Variants in AFAP1 observed in about 807,000 individuals in gnomAD.
AFAP1 encodes actin filament associated protein 1.
AFAP1 carries 75 observed loss-of-function variants against 93.9 expected under a neutral mutation model. The ratio of observed to expected loss-of-function variants is 0.80; its 90% CI spans 0.66 to 0.97. The LOEUF is 0.97. Among genes scored for constraint, AFAP1 ranks in the 50% least tolerant of loss-of-function variants. The probability of loss-of-function intolerance (pLI) is 0.00; values close to 1 mark genes in which losing one functional copy is unlikely to be tolerated. For synonymous variants in AFAP1, 517 were observed against 430.7 expected (o/e 1.20, Z -2.48); for missense variants, 1,201 against 1,050.8 (o/e 1.14, Z -1.98).
chr4:7,903,611 A>G (rs1719237706), intron 1 of AFAP1, among the ~76,000 whole-genome samples: 2 of 152,232 alleles, frequency 1.3e-5, no homozygotes, highest in African/African-American at 4.8e-5. Flanking sequence ...CCTGGGAGGT[A>G]GAGGTTGCAG....
chr4:7,816,130 AC>A, intron 7 of AFAP1, 31 bp from the exon 8 acceptor site: 1 of 1,579,212 alleles, frequency 6.3e-7, no homozygotes, highest in Non-Finnish European at 8.6e-7. Flanking sequence ...AGTTATTCTT[AC>A]AGTGGTCACT....
intron 1 of AFAP1, among the ~76,000 whole-genome samples, chr4:7,906,791 C>G (rs1172181189): frequency 1.3e-5 from 2 of 152,144 alleles, no homozygotes; most frequent in African/African-American, 2.4e-5. Context: ...GAAGCCAAGG[C>G]GGGTGGATCA....
intron 1 of AFAP1, among the ~76,000 whole-genome samples, chr4:7,928,169 A>G (rs1720873233): frequency 6.6e-6 from 1 of 152,152 alleles, no homozygotes; most frequent in Non-Finnish European, 1.5e-5. Context: ...GGCTAAATGT[A>G]AACTGCCCCA....
At chr4:7,890,315 CTGGATGTCAGTA>C (rs1718390504) in intron 1 of AFAP1, among the ~76,000 whole-genome samples, 1 of 152,202 alleles carries the variant, frequency 6.6e-6, no homozygotes, top group Non-Finnish European at 1.5e-5. Context: ...TGCTGAACAA[CTGGATGTCAGTA>C]TGGGGAAAAC....
At chr4:7,906,593 A>G (rs999737108) in intron 1 of AFAP1, among the ~76,000 whole-genome samples, 2 of 152,202 alleles carry the variant, frequency 1.3e-5, no homozygotes, top group African/African-American at 4.8e-5. Flanking sequence ...AAGTTCTCCA[A>G]GACAGCCAAC....
chr4:7,920,465 G>A (rs527772214), intron 1 of AFAP1, among the ~76,000 whole-genome samples: 22 of 152,254 alleles, frequency 1.4e-4, no homozygotes, highest in African/African-American at 4.6e-4. Flanking sequence ...CTCTGGTGAC[G>A]ACAAAAACTA....
intron 17 of AFAP1, among the ~76,000 whole-genome samples, chr4:7,766,179 G>A (rs1036175133): frequency 1.3e-5 from 2 of 152,130 alleles, no homozygotes; most frequent in African/African-American, 4.8e-5. Flanking sequence ...TCTCAGACTC[G>A]GCGGAAGTGT....
chr4:7,902,623 G>A (rs1719178826), intron 1 of AFAP1, among the ~76,000 whole-genome samples: 1 of 152,172 alleles, frequency 6.6e-6, no homozygotes, highest in South Asian at 2.1e-4. Flanking sequence ...CTCTTTCTAG[G>A]TACAAACCTT....
chr4:7,819,329 T>C (rs1720764265), intron 6 of AFAP1, among the ~76,000 whole-genome samples, 158 bp from the exon 7 acceptor site: 1 of 152,188 alleles, frequency 6.6e-6, no homozygotes, highest in African/African-American at 2.4e-5. Context: ...TACTCATTTG[T>C]TCACTCACCC....
At chr4:7,827,712 A>G (rs919554723) in intron 6 of AFAP1, among the ~76,000 whole-genome samples, 1 of 151,798 alleles carries the variant, frequency 6.6e-6, no homozygotes, top group Admixed American at 6.6e-5. Flanking sequence ...AGAAAAACCC[A>G]CACCACCGCA....
intron 1 of AFAP1, among the ~76,000 whole-genome samples, chr4:7,872,871 C>CA (rs1717165379): frequency 6.7e-6 from 1 of 148,746 alleles, no homozygotes; most frequent in Admixed American, 6.8e-5. Context: ...GAAGTGACAC[C>CA]AAACTATCCT....
intron 1 of AFAP1, among the ~76,000 whole-genome samples, chr4:7,920,110 A>G (rs1471574331): frequency 6.6e-6 from 1 of 152,184 alleles, no homozygotes; most frequent in African/African-American, 2.4e-5. Context: ...ATACGCGTAC[A>G]TGTATCTTTG....
chr4:7,772,544 G>C (rs1402989955), intron 16 of AFAP1: 2 of 361,838 alleles, frequency 5.5e-6, no homozygotes, highest in African/African-American at 4.2e-5. Flanking sequence ...CACGAGGACT[G>C]GATCTGTTCT....
intron 4 of AFAP1, among the ~76,000 whole-genome samples, chr4:7,845,680 C>T (rs978503355): frequency 1.3e-5 from 2 of 152,084 alleles, no homozygotes; most frequent in Non-Finnish European, 2.9e-5. Context: ...GTGGGTCGTT[C>T]TCACTGGCTC....
chr4:7,818,769 T>C (rs1193049837), intron 7 of AFAP1, among the ~76,000 whole-genome samples: 1 of 152,228 alleles, frequency 6.6e-6, no homozygotes, highest in African/African-American at 2.4e-5. Flanking sequence ...ATTCCGGAAG[T>C]AGACAGGCTT....
At chr4:7,800,368 C>T (rs567845082) in intron 10 of AFAP1, 74 bp downstream of exon 10, 1 of 1,486,388 alleles carries the variant, frequency 6.7e-7, no homozygotes. Flanking sequence ...ATAGAGGAGT[C>T]AGCATTCGCC....
chr4:7,891,149 G>A (rs561337171), intron 1 of AFAP1, among the ~76,000 whole-genome samples: 2 of 152,286 alleles, frequency 1.3e-5, no homozygotes, highest in Admixed American at 1.3e-4. Context: ...GAAAAGCCAT[G>A]CAAAAGAAGC....
intron 8 of AFAP1, among the ~76,000 whole-genome samples, chr4:7,810,630 G>T (rs115459218): frequency 0.012 from 1,834 of 152,320 alleles, 37 homozygotes; most frequent in African/African-American, 0.042. Flanking sequence ...GTTTAGCCAG[G>T]ACAGTGTTAA....
At chr4:7,800,757 A>G in intron 9 of AFAP1, 104 bp from the exon 10 acceptor site, 1 of 1,088,984 alleles carries the variant, frequency 9.2e-7, no homozygotes, top group East Asian at 2.5e-5. Flanking sequence ...AGTGTGGATA[A>G]AACAAATCCT....
Sources: gnomAD v4.1 joint callset for allele counts (sites outside exome capture counted in the v4.1 genomes callset) on GRCh38, gnomAD v4.1.1 for gene constraint, MANE v1.5 for transcripts, NCBI Gene and HGNC (gene_info 2026-07-23, HGNC 2026-07-21) for gene names.